The following MMP26 variants were observed in gnomAD, a reference collection of about 807,000 sequenced individuals.
MMP26 encodes matrix metallopeptidase 26, also known as matrix metalloproteinase-26.
MMP26 carries 33 observed loss-of-function variants against 31.0 expected under a neutral mutation model. That is an observed-to-expected ratio of 1.06 (90% CI 0.81 to 1.42). MMP26 has a LOEUF of 1.42. Among genes scored for constraint, MMP26 ranks in the 40% most tolerant of loss-of-function variants. The pLI is 0.00. For missense variants in MMP26, 347 were observed against 316.1 expected (o/e 1.10, Z -0.74); for synonymous variants, 122 against 114.9 (o/e 1.06, Z -0.40).
intron 2 of MMP26, among the ~76,000 whole-genome samples, chr11:4,921,264 C>A (rs1370640774): frequency 6.6e-6 from 1 of 152,200 alleles, no homozygotes; most frequent in African/African-American, 2.4e-5. Context: ...TCTGCTATAA[C>A]CAAGTTGTCC....
chr11:4,934,382 G>A (rs557548098), intron 2 of MMP26, among the ~76,000 whole-genome samples: 150 of 66,000 alleles, frequency 2.3e-3, no homozygotes, highest in Non-Finnish European at 3.1e-3. Flanking sequence ...CTTTTGAGAA[G>A]TGTCTGTTCA....
intron 2 of MMP26, among the ~76,000 whole-genome samples, chr11:4,981,847 T>C (rs1267153880): frequency 6.6e-6 from 1 of 151,962 alleles, no homozygotes; most frequent in Non-Finnish European, 1.5e-5. Context: ...TTAAACTTTT[T>C]GTTAGAAACT....
At chr11:4,731,045 A>C (rs11033578) in intron 1 of MMP26, among the ~76,000 whole-genome samples, 1,734 of 152,198 alleles carry the variant, frequency 0.011, 22 homozygotes, top group East Asian at 0.059. Context: ...CCCAGGTTCA[A>C]GTGATTCTCC....
chr11:4,943,359 T>C (rs1490949308), intron 2 of MMP26: 1 of 363,604 alleles, frequency 2.8e-6, no homozygotes, highest in African/African-American at 2.1e-5. Flanking sequence ...AGTTTTTCAC[T>C]GGTTTCCTTT....
At chr11:4,713,609 A>G (rs4296036) in intron 1 of MMP26, among the ~76,000 whole-genome samples, 152,152 of 152,266 alleles carry the variant, frequency 1, 76,021 homozygotes, top group Middle Eastern at 1. Context: ...TTACCAGTAC[A>G]AAGTCCTAGA....
chr11:4,742,995 C>T (rs369416516), intron 1 of MMP26, among the ~76,000 whole-genome samples: 35 of 152,024 alleles, frequency 2.3e-4, no homozygotes, highest in East Asian at 1.2e-3. Context: ...TAATTCCATC[C>T]GTGTAAATTT....
chr11:4,935,372 C>G (rs1320494313), intron 2 of MMP26, among the ~76,000 whole-genome samples: 1 of 151,998 alleles, frequency 6.6e-6, no homozygotes, highest in African/African-American at 2.4e-5. Context: ...ATTTGGCTCT[C>G]TGTTTGTCTG....
At chr11:4,778,177 C>T (rs905104497) in intron 2 of MMP26, among the ~76,000 whole-genome samples, 11 of 152,008 alleles carry the variant, frequency 7.2e-5, no homozygotes, top group Non-Finnish European at 1.6e-4. Context: ...ACTGATACTT[C>T]ATTGGAGTTT....
At chr11:4,897,927 A>C (rs956174232) in intron 2 of MMP26, among the ~76,000 whole-genome samples, 3 of 148,322 alleles carry the variant, frequency 2.0e-5, no homozygotes, top group African/African-American at 7.3e-5. Context: ...AGAAATAATA[A>C]ATAAAAATTA....
At chr11:4,750,528 A>ATG (rs1848434790) in intron 1 of MMP26, among the ~76,000 whole-genome samples, 1 of 152,098 alleles carries the variant, frequency 6.6e-6, no homozygotes, top group Non-Finnish European at 1.5e-5. Context: ...GTAAGTGTCC[A>ATG]ACAGTGGATG....
rs914229234 is a variant in MMP26, at chr11:4,977,084, T to C, written c.-144-10984T>C. 2.0e-5 allele frequency among the ~76,000 whole-genome samples: 3 copies of C among 152,058 alleles called. 1 individual carries two copies. Among genetic ancestry groups the C allele is most frequent in the African/African-American group, 7.3e-5 (3 of 41,362 alleles). On this transcript the variant is annotated intron_variant, in intron 2 of 7. Transcript: ENST00000380390. ...AATTTTATCTATTAGTCTGAGTACT[T>C]CCTATATTAAATAAATGTATTTTTA... is the stretch of plus-strand genomic sequence containing the variant.
At chr11:4,756,649 C>A (rs1030284052) in intron 1 of MMP26, 2 of 151,968 alleles carry the variant, frequency 1.3e-5, no homozygotes, top group African/African-American at 2.4e-5. Context: ...ATGGAGATTG[C>A]ACGTTGTTGG....
intron 1 of MMP26, among the ~76,000 whole-genome samples, chr11:4,748,414 G>A (rs890558084): frequency 1.3e-5 from 2 of 151,916 alleles, no homozygotes; most frequent in Non-Finnish European, 2.9e-5. Flanking sequence ...AAAAAATCAA[G>A]GAGGGGGGAA....
At chr11:4,929,382 A>G (rs11034697) in intron 2 of MMP26, among the ~76,000 whole-genome samples, 3,749 of 152,198 alleles carry the variant, frequency 0.025, 162 homozygotes, top group African/African-American at 0.086. Context: ...ACCTTGTACA[A>G]AATGTTTGTC....
At chr11:4,936,652 T>G (rs1846117032) in intron 2 of MMP26, among the ~76,000 whole-genome samples, 1 of 152,116 alleles carries the variant, frequency 6.6e-6, no homozygotes, top group Non-Finnish European at 1.5e-5. Context: ...TTCTAAGAGC[T>G]GGGCGTAAAA....
At chr11:4,759,407 A>G (rs1452100949) in intron 1 of MMP26, among the ~76,000 whole-genome samples, 2 of 152,164 alleles carry the variant, frequency 1.3e-5, no homozygotes, top group African/African-American at 2.4e-5. Flanking sequence ...AATTACTAGT[A>G]GTATTGACAA....
chr11:4,709,162 A>C (rs1224518996), intron 1 of MMP26, among the ~76,000 whole-genome samples: 1 of 152,194 alleles, frequency 6.6e-6, no homozygotes, highest in Non-Finnish European at 1.5e-5. Context: ...TGAGAAGTGA[A>C]GAAAAGCAGG....
chr11:4,705,649 C>A (rs530252928), intron 1 of MMP26, among the ~76,000 whole-genome samples: 201 of 152,170 alleles, frequency 1.3e-3, no homozygotes, highest in African/African-American at 4.7e-3. Context: ...TTAGTTTTAG[C>A]GCAGGACAAC....
intron 1 of MMP26, among the ~76,000 whole-genome samples, chr11:4,705,566 A>G (rs576482044): frequency 2.0e-5 from 3 of 152,348 alleles, no homozygotes; most frequent in African/African-American, 7.2e-5. Context: ...AGGCTCTGTC[A>G]TGGAAGAATT....
Sources: gnomAD v4.1 joint callset for allele counts (sites outside exome capture counted in the v4.1 genomes callset) on GRCh38, gnomAD v4.1.1 for gene constraint, MANE v1.5 for transcripts, NCBI Gene and HGNC (gene_info 2026-07-23, HGNC 2026-07-21) for gene names.